FYB2: variants seen among roughly 807,000 people sequenced by gnomAD.
FYB2 encodes FYN binding protein 2, also known as FYN-binding protein 2.
In FYB2, 103 loss-of-function variants were observed where a neutral mutation model predicts 94.1. The observed-to-expected ratio is 1.09, with a 90% CI of 0.93 to 1.29. The LOEUF (loss-of-function observed/expected upper bound fraction) is 1.29, where lower values mean the gene tolerates loss of function less well. FYB2 is among the 50% of genes most tolerant of loss of function. The pLI is 0.00. For missense variants in FYB2, 896 were observed against 841.5 expected, an observed-to-expected ratio of 1.06 and a Z score of -0.80; for synonymous variants, 293 against 287.9, an observed-to-expected ratio of 1.02 and a Z score of -0.18.
At position 56,720,232 on chromosome 1, in the gene FYB2, A is replaced by T. The variant is rs368085558; in HGVS notation, c.2072T>A (p.Leu691Ter). ...TTGTTCGGTGGTATCAATGACTTCC[A>T]ATTCTTCTCCAGGACTTATTGGCAA... Reference protein sequence around the residue: ...FDLPISPGEELEVIDTTEQNL... With the variant: ...FDLPISPGEE Residue 691 changes from leucine (L) to a stop codon, truncating the protein, a stop_gained, in exon 18 of 20, where the codon TTG (leucine) becomes TAG (stop). Coordinates refer to ENST00000343433, the MANE Select transcript of FYB2 (RefSeq NM_001004303.5). LOFTEE classifies it high-confidence loss of function. The T allele has an allele frequency of 1.2e-6, 2 of 1,612,456 alleles. No individual in the cohort carries two copies. Among genetic ancestry groups the T allele is most frequent in the Non-Finnish European group, 1.7e-6 (2 of 1,179,086 alleles).
chr1:56,783,617 C>T (rs1038250790), intron 4 of FYB2, among the ~76,000 whole-genome samples: 20 of 151,976 alleles, frequency 1.3e-4, no homozygotes, highest in African/African-American at 4.4e-4. Flanking sequence ...CTTAGACATA[C>T]GGTTGAGAGT....
chr1:56,736,953 G>C, intron 15 of FYB2, 134 bp downstream of exon 15: 1 of 706,088 alleles, frequency 1.4e-6, no homozygotes, highest in Non-Finnish European at 2.3e-6. Context: ...CCCTCTTAGT[G>C]AGAAGACTAT....
chr1:56,744,092 T>C, intron 10 of FYB2, 26 bp from the exon 11 acceptor site: 2 of 1,612,416 alleles, frequency 1.2e-6, no homozygotes, highest in Non-Finnish European at 1.7e-6. Flanking sequence ...ACAAAGACCA[T>C]TATTGTACCT....
Position 56,718,982 on chromosome 1 carries a change from C to CAA in FYB2, c.*687_*688dup, listed in dbSNP as rs939052431. The CAA allele has an allele frequency of 2.0e-5, 3 of 152,260 alleles. No individual in the cohort carries two copies. The highest frequency in any genetic ancestry group is 7.3e-5 in the African/African-American group (3 of 41,350). The allele number at this position is 152,260 out of a possible 1,614,324, so 9.4% of individuals were successfully genotyped here. ...TAATGACAATTGTTCTTATTTTGGA[C>CAA]AAAAAGATGTTTTAAAGTAATACAG... is the stretch of plus-strand genomic sequence containing the variant. On this transcript the variant is annotated 3_prime_UTR_variant, in exon 20 of 20. Transcript: ENST00000343433.
chr1:56,792,456 T>C lies in FYB2; in HGVS notation c.357A>G (p.Gln119=), dbSNP rs762142310. The C allele has an allele frequency of 1.9e-6, 3 of 1,614,234 alleles. No individual in the cohort carries two copies. The highest frequency in any genetic ancestry group is 2.2e-5 in the South Asian group (2 of 91,086). Residue 119 remains glutamine (Q), a synonymous_variant, in exon 2 of 20, where the codon CAA becomes CAG. Coordinates refer to ENST00000343433, the MANE Select transcript of FYB2 (RefSeq NM_001004303.5). ...CCTTAGTGATTATCTCAACATTTGA[T>C]TGAGTCACCTCTAACAGCAGAGAAG... ...QKASLLLEVT[Q]SNVEIITKEK... is the part of the protein sequence containing the mutation.
rs1292845622 is a variant in FYB2 at position 56,793,270 on chromosome 1, A to T, written c.10-467T>A. On this transcript the variant is annotated intron_variant, in intron 1 of 19. Transcript: ENST00000343433. Reference sequence around the variant, plus strand: ...CACAACTACCCTTAAACCAAACAGAACTGTTTACAATTTTCTTAGACCCTC... The same window carrying T: ...CACAACTACCCTTAAACCAAACAGATCTGTTTACAATTTTCTTAGACCCTC... Among the ~76,000 whole-genome samples the T allele has an allele frequency of 2.0e-5, 3 of 152,072 alleles. No homozygotes were observed. The East Asian group carries it at 5.8e-4, about 29-fold the overall frequency.
chr1:56,771,481 G>A (rs543264140), intron 4 of FYB2, among the ~76,000 whole-genome samples: 12 of 152,292 alleles, frequency 7.9e-5, no homozygotes, highest in African/African-American at 2.4e-4. Flanking sequence ...TTCATGATTG[G>A]AGTTGCCTCT....
At chr1:56,811,961 T>C (rs139974205) in intron 1 of FYB2, among the ~76,000 whole-genome samples, 49 of 152,206 alleles carry the variant, frequency 3.2e-4, no homozygotes, top group African/African-American at 5.8e-4. Context: ...TTGCCTAAGA[T>C]CACACTCTGG....
chr1:56,821,079 C>A (rs1187112607), upstream of FYB2, among the ~76,000 whole-genome samples: 3 of 152,218 alleles, frequency 2.0e-5, no homozygotes, highest in African/African-American at 7.2e-5. Flanking sequence ...TTTCCCTTAG[C>A]ACTCTGGTTC....
Position 56,757,687 on chromosome 1 carries a change from CTTCTTTCTTTCTTTCT to C in FYB2, c.1098+1013_1098+1028del, listed in dbSNP as rs1191302491. On this transcript the variant is annotated intron_variant, in intron 6 of 19. Coordinates refer to ENST00000343433, the MANE Select transcript of FYB2 (RefSeq NM_001004303.5). ...TCTTTCTTTCCTCTTTCCTTCCTTC[CTTCTTTCTTTCTTTCT>C]TTCTTTCTTTCTTTCTTTCTTTCTT... is the stretch of plus-strand genomic sequence containing the variant. 8.6e-4 allele frequency among the ~76,000 whole-genome samples: 62 copies of C among 71,942 alleles called. 1 individual carries two copies. The highest frequency in any genetic ancestry group is 2.3e-3 in the South Asian group (4 of 1,712). 47.2% of individuals were successfully genotyped at this position (71,942 alleles called of 152,430 possible).
At chr1:56,729,533 T>G (rs11206909) in intron 15 of FYB2, among the ~76,000 whole-genome samples, 20,062 of 152,006 alleles carry the variant, frequency 0.13, 1,494 homozygotes, top group African/African-American at 0.2. Context: ...GCAAATATTA[T>G]TAGGTCAAAA....
At chr1:56,764,809 T>C (rs1557625463) in intron 5 of FYB2, among the ~76,000 whole-genome samples, 1 of 152,218 alleles carries the variant, frequency 6.6e-6, no homozygotes, top group African/African-American at 2.4e-5. Context: ...TCCTCACAGT[T>C]CTGGAGGCTG....
chr1:56,769,883 G>C (rs1173638173), intron 4 of FYB2, among the ~76,000 whole-genome samples: 2 of 152,090 alleles, frequency 1.3e-5, no homozygotes. Flanking sequence ...ATAAAATAAA[G>C]AGTATCTGAA....
At chr1:56,789,960 T>C (rs1570161518) in intron 2 of FYB2, among the ~76,000 whole-genome samples, 1 of 152,214 alleles carries the variant, frequency 6.6e-6, no homozygotes, top group South Asian at 2.1e-4. Flanking sequence ...TTGTGATATC[T>C]GGGCACCTGT....
At chr1:56,754,123 A>T (rs187984950) in intron 7 of FYB2, among the ~76,000 whole-genome samples, 188 bp from the exon 8 acceptor site, 139 of 152,144 alleles carry the variant, frequency 9.1e-4, no homozygotes, top group African/African-American at 3.2e-3. Context: ...GCCTGTTCCA[A>T]TTAATGCCAC....
chr1:56,735,927 CAT>C (rs1644821133), intron 15 of FYB2, among the ~76,000 whole-genome samples: 1 of 152,042 alleles, frequency 6.6e-6, no homozygotes, highest in Admixed American at 6.6e-5. Flanking sequence ...AATAATATAT[CAT>C]ATAGTTTTAA....
intron 3 of FYB2, 72 bp downstream of exon 3, chr1:56,788,901 C>T: frequency 6.3e-7 from 1 of 1,575,136 alleles, no homozygotes; most frequent in Non-Finnish European, 8.7e-7. Context: ...GCGGCATCGT[C>T]ACCTGGGAGA....
chr1:56,815,294 G>C (rs952712634), intron 1 of FYB2, among the ~76,000 whole-genome samples: 2 of 152,008 alleles, frequency 1.3e-5, no homozygotes, highest in African/African-American at 4.8e-5. Context: ...ATTCAGCTAA[G>C]ACACCAGCTT....
chr1:56,759,786 T>G (rs1645444718), intron 5 of FYB2, among the ~76,000 whole-genome samples: 1 of 152,008 alleles, frequency 6.6e-6, no homozygotes, highest in Non-Finnish European at 1.5e-5. Flanking sequence ...TTCAAGGAAA[T>G]AATTTAAGAA....
Sources: allele counts gnomAD v4.1 joint callset (sites outside exome capture counted in the v4.1 genomes callset), GRCh38; gene constraint gnomAD v4.1.1; transcripts MANE v1.5; gene names NCBI Gene and HGNC (gene_info 2026-07-23, HGNC 2026-07-21).